Variants in NBAS observed in about 807,000 individuals in gnomAD.
NBAS encodes NBAS subunit of NRZ tethering complex.
NBAS carries 219 observed loss-of-function variants against 302.5 expected under a neutral mutation model. The ratio of observed to expected loss-of-function variants is 0.72; its 90% CI spans 0.65 to 0.81. The LOEUF (loss-of-function observed/expected upper bound fraction) is 0.81. NBAS is among the 30% of genes least tolerant of loss of function. The probability of loss-of-function intolerance (pLI) is 0.00; values close to 1 mark genes in which losing one functional copy is unlikely to be tolerated. For synonymous variants in NBAS, 1,118 were observed against 1,021.6 expected (o/e 1.09, Z -1.80); for missense variants, 2,932 against 2,841.6 (o/e 1.03, Z -0.72).
the NBAS span, among the ~76,000 whole-genome samples, chr2:14,800,226 C>G: frequency 2.0e-5 from 3 of 152,232 alleles, no homozygotes; most frequent in South Asian, 6.2e-4. Flanking sequence ...TTTGAATTTC[C>G]ACATGTTGAA....
At chr2:15,408,011 T>A (rs1676502351) in intron 25 of NBAS, among the ~76,000 whole-genome samples, 1 of 152,156 alleles carries the variant, frequency 6.6e-6, no homozygotes, top group Non-Finnish European at 1.5e-5. Context: ...TTCTATAGCA[T>A]CCTGACCACA....
At chr2:14,920,372 T>A in the NBAS span, among the ~76,000 whole-genome samples, 1 of 152,164 alleles carries the variant, frequency 6.6e-6, no homozygotes, top group African/African-American at 2.4e-5. Context: ...GCAGAGTAGA[T>A]TTAGCATAAT....
At position 15,427,694 on chromosome 2, in the gene NBAS, T is replaced by A. The variant is rs1346969262; in HGVS notation, c.2423+17A>T. 6.3e-7 allele frequency: 1 copy of A among 1,595,486 alleles called. No homozygotes were observed. The highest frequency in any genetic ancestry group is 1.7e-5 in the Admixed American group (1 of 59,236). On this transcript the variant is annotated intron_variant, in intron 22 of 51. Transcript: ENST00000281513. ...CCCACAAAGAAACAAAGATGCCTCCTGCAGGCTCATACTGACCTGCAAGCC... is the reference window on the plus strand; with the variant it reads ...CCCACAAAGAAACAAAGATGCCTCCAGCAGGCTCATACTGACCTGCAAGCC...
chr2:15,165,557 C>G (rs533696391), downstream of NBAS, among the ~76,000 whole-genome samples: 1 of 152,110 alleles, frequency 6.6e-6, no homozygotes, highest in Non-Finnish European at 1.5e-5. Flanking sequence ...TCTAGAGGAG[C>G]GGAAATGAGG....
At chr2:15,401,896 G>A (rs1676169778) in intron 26 of NBAS, among the ~76,000 whole-genome samples, 1 of 152,022 alleles carries the variant, frequency 6.6e-6, no homozygotes, top group Non-Finnish European at 1.5e-5. Context: ...GATCGTGGTG[G>A]TATTTTTGTT....
the NBAS span, among the ~76,000 whole-genome samples, chr2:14,805,396 G>A: frequency 4.3e-4 from 65 of 152,260 alleles, 1 homozygote; most frequent in Non-Finnish European, 8.8e-5. Context: ...AAGATCATGC[G>A]AGGCATTATA....
At chr2:15,278,955 G>A (rs1293413659) in intron 42 of NBAS, among the ~76,000 whole-genome samples, 1 of 152,118 alleles carries the variant, frequency 6.6e-6, no homozygotes, top group Admixed American at 6.6e-5. Context: ...AAATGGCTGG[G>A]TGGTCAGAAA....
At chr2:15,396,602 A>G in intron 26 of NBAS, 127 bp from the exon 27 acceptor site, 1 of 588,828 alleles carries the variant, frequency 1.7e-6, no homozygotes. Flanking sequence ...AATATTATCT[A>G]AATTCATTCA....
chr2:15,058,376 T>C, the NBAS span, among the ~76,000 whole-genome samples: 18 of 152,172 alleles, frequency 1.2e-4, no homozygotes, highest in Admixed American at 1.2e-3. Context: ...CCAGTCCAAA[T>C]TGGTGTCAAC....
chr2:15,270,854 C>T (rs1326565114), intron 44 of NBAS, among the ~76,000 whole-genome samples: 2 of 152,124 alleles, frequency 1.3e-5, no homozygotes, highest in Non-Finnish European at 2.9e-5. Context: ...ATAGCAAATG[C>T]CTAAATACTT....
chr2:15,411,589 T>C (rs1023838498), intron 25 of NBAS, among the ~76,000 whole-genome samples: 2 of 152,200 alleles, frequency 1.3e-5, no homozygotes, highest in Non-Finnish European at 2.9e-5. Flanking sequence ...GAAAAGGTCA[T>C]GTTCAAACTA....
chr2:15,426,703 C>T (rs540984613), intron 22 of NBAS, among the ~76,000 whole-genome samples: 7 of 152,210 alleles, frequency 4.6e-5, no homozygotes, highest in East Asian at 1.9e-4. Context: ...TTAAAGTTTT[C>T]GTTGTGTATG....
rs560737886 is a variant in NBAS, at chr2:15,321,158, T to A, written c.4582+6592A>T. 2.0e-5 allele frequency among the ~76,000 whole-genome samples: 3 copies of A among 152,308 alleles called. No individual in the cohort carries two copies. The East Asian group carries it at 5.8e-4, about 29-fold the overall frequency. On this transcript the variant is annotated intron_variant, in intron 38 of 51. Transcript: ENST00000281513. ...AAGCAATGGGGAAAGGATTCCTTAT[T>A]TAACAAATGGTGCTTGGAAAACTGG... is the stretch of plus-strand genomic sequence containing the variant.
At chr2:15,472,894 T>C (rs916272791) in intron 16 of NBAS, among the ~76,000 whole-genome samples, 1 of 152,218 alleles carries the variant, frequency 6.6e-6, no homozygotes, top group African/African-American at 2.4e-5. Context: ...CTGTTTAAAT[T>C]ACTGTGTGAT....
intron 44 of NBAS, among the ~76,000 whole-genome samples, chr2:15,252,366 C>G (rs754387186): frequency 4.2e-4 from 64 of 151,982 alleles, no homozygotes; most frequent in Non-Finnish European, 8.2e-4. Context: ...GGCGTGGTGG[C>G]GCGTGCCTGT....
chr2:15,002,112 C>G, the NBAS span, among the ~76,000 whole-genome samples: 3 of 152,014 alleles, frequency 2.0e-5, no homozygotes, highest in East Asian at 1.9e-4. Flanking sequence ...TACAGAGTGT[C>G]GACACAAAGG....
At chr2:15,510,554 C>T (rs1662090482) in intron 10 of NBAS, among the ~76,000 whole-genome samples, 1 of 152,200 alleles carries the variant, frequency 6.6e-6, no homozygotes, top group African/African-American at 2.4e-5. Context: ...TGATAAGCCA[C>T]AGAAATTTCA....
chr2:15,012,343 G>A, the NBAS span, among the ~76,000 whole-genome samples: 1 of 151,726 alleles, frequency 6.6e-6, no homozygotes, highest in African/African-American at 2.4e-5. Flanking sequence ...AATAACACAG[G>A]TAGAAAATAA....
At chr2:15,059,742 T>C in the NBAS span, among the ~76,000 whole-genome samples, 1 of 152,010 alleles carries the variant, frequency 6.6e-6, no homozygotes, top group Non-Finnish European at 1.5e-5. Context: ...AAATCAGAGA[T>C]ACTGGGACAA....
Sources: allele counts gnomAD v4.1 joint callset (sites outside exome capture counted in the v4.1 genomes callset), GRCh38; gene constraint gnomAD v4.1.1; transcripts MANE v1.5; gene names NCBI Gene and HGNC (gene_info 2026-07-23, HGNC 2026-07-21).